CDH7: variants seen among roughly 807,000 people sequenced by gnomAD.
The protein encoded by CDH7 is cadherin 7.
In CDH7, 25 loss-of-function variants were observed where a neutral mutation model predicts 71.8. The ratio of observed to expected loss-of-function variants is 0.35; its 90% CI spans 0.25 to 0.49. The LOEUF (loss-of-function observed/expected upper bound fraction) is 0.49. Ranked by LOEUF, CDH7 falls within the 20% of genes least tolerant of loss-of-function variation. CDH7 has a pLI of 0.99. For missense variants in CDH7, 862 were observed against 974.6 expected (o/e 0.88, Z 1.54); for synonymous variants, 381 against 363.8 (o/e 1.05, Z -0.54).
Position 65,857,821 on chromosome 18 carries a change from C to T in CDH7, c.1241C>T (p.Ser414Leu). ...TTTCTTCAATGTTCAATTAGGTACT[C>T]AATTGACAGAAACACAGACTTGGAG... is the stretch of plus-strand genomic sequence containing the variant. ...PDSSNSPVRY[S>L]IDRNTDLERY... Residue 414 changes from serine (S) to leucine (L), a missense_variant, in exon 8 of 12, where the codon TCA becomes TTA. Ser to Leu is a moderately radical substitution (Grantham distance 145). Transcript: ENST00000397968. 6.2e-7 allele frequency: 1 copy of T among 1,612,338 alleles called. No individual in the cohort carries two copies. The highest frequency in any genetic ancestry group is 8.5e-7 in the Non-Finnish European group (1 of 1,178,914).
At chr18:65,819,053 G>T (rs1228278209) in intron 4 of CDH7, among the ~76,000 whole-genome samples, 1 of 152,166 alleles carries the variant, frequency 6.6e-6, no homozygotes. Flanking sequence ...GTAGGAACCA[G>T]CAGATGTCGA....
At chr18:65,842,496 T>C (rs1912770257) in intron 6 of CDH7, among the ~76,000 whole-genome samples, 1 of 151,788 alleles carries the variant, frequency 6.6e-6, no homozygotes. Context: ...TATACATATA[T>C]TTATATATAT....
intron 7 of CDH7, among the ~76,000 whole-genome samples, chr18:65,848,200 T>C: frequency 6.6e-6 from 1 of 152,096 alleles, no homozygotes; most frequent in African/African-American, 2.4e-5. Context: ...GTAAAAGATG[T>C]AAGAACAGCC....
chr18:65,753,610 A>T (rs946340122), intron 1 of CDH7, among the ~76,000 whole-genome samples: 1 of 152,316 alleles, frequency 6.6e-6, no homozygotes, highest in East Asian at 1.9e-4. Flanking sequence ...AAGGAATCAG[A>T]TGCTACTTGG....
intron 2 of CDH7, among the ~76,000 whole-genome samples, chr18:65,796,024 T>A (rs1599012038): frequency 1.3e-5 from 2 of 152,264 alleles, no homozygotes; most frequent in Middle Eastern, 3.4e-3. Flanking sequence ...TGTGAGTCAA[T>A]TAAACCTTTT....
rs567405804 is a variant in CDH7, at chr18:65,770,085, G to A, written c.210+7033G>A. On this transcript the variant is annotated intron_variant, in intron 2 of 11. Coordinates refer to ENST00000397968, the MANE Select transcript of CDH7 (RefSeq NM_004361.5). ...CAGTACAATCTGTTGTCCATGTTTA[G>A]AATCAGGAGTGTGAGCCAGATTTAA... Among the ~76,000 whole-genome samples the A allele has an allele frequency of 3.3e-5, 5 of 152,304 alleles. 1 individual carries two copies. The highest frequency in any genetic ancestry group is 9.6e-5 in the African/African-American group (4 of 41,570).
intron 2 of CDH7, among the ~76,000 whole-genome samples, chr18:65,791,018 CA>C (rs1011819930): frequency 3.3e-5 from 5 of 152,144 alleles, no homozygotes; most frequent in African/African-American, 1.2e-4. Flanking sequence ...TCGTTACTTA[CA>C]AAAAGGGCTT....
chr18:65,825,386 A>C (rs755217964), intron 6 of CDH7, among the ~76,000 whole-genome samples: 2 of 151,882 alleles, frequency 1.3e-5, no homozygotes, highest in Admixed American at 6.6e-5. Context: ...AGTGTGAAAG[A>C]GACAGAAAGT....
At chr18:65,863,053 TTTGAGACGGGGTC>T in intron 11 of CDH7, 136 bp downstream of exon 11, 1 of 1,006,224 alleles carries the variant, frequency 9.9e-7, no homozygotes, top group African/African-American at 1.6e-5. Context: ...TTTGTTTTTC[TTTGAGACGGGGTC>T]TCACTCTGTT....
chr18:65,820,611 G>T (rs1045202889), intron 4 of CDH7, among the ~76,000 whole-genome samples: 1 of 152,046 alleles, frequency 6.6e-6, no homozygotes, highest in African/African-American at 2.4e-5. Flanking sequence ...TCAAAAATAC[G>T]TTCAATAGTT....
At position 65,885,196 on chromosome 18, in the gene CDH7, T is replaced by G. The variant is rs893085572; in HGVS notation, c.*4302T>G. On this transcript the variant is annotated 3_prime_UTR_variant, in exon 12 of 12. Coordinates refer to ENST00000397968, the MANE Select transcript of CDH7 (RefSeq NM_004361.5). ...TATTTCAGAAGAGTGGGATAAGCCCTTAAGAAAAATGGGAGATGTTTAAGG... is the reference window on the plus strand; with the variant it reads ...TATTTCAGAAGAGTGGGATAAGCCCGTAAGAAAAATGGGAGATGTTTAAGG... The G allele has an allele frequency of 1.3e-5, 2 of 151,884 alleles. No individual in the cohort carries two copies. The highest frequency in any genetic ancestry group is 1.5e-5 in the Non-Finnish European group (1 of 67,956). 9.4% of individuals were successfully genotyped at this position (151,884 alleles called of 1,614,324 possible).
At chr18:65,761,550 A>T (rs1916192926) in intron 1 of CDH7, among the ~76,000 whole-genome samples, 1 of 151,716 alleles carries the variant, frequency 6.6e-6, no homozygotes, top group Non-Finnish European at 1.5e-5. Flanking sequence ...AAAAAAAAAA[A>T]ACAGAAATAG....
intron 11 of CDH7, among the ~76,000 whole-genome samples, chr18:65,875,782 G>C (rs1914056709): frequency 6.6e-6 from 1 of 152,032 alleles, no homozygotes. Flanking sequence ...ACAAAAAATA[G>C]CCATGTGTGG....
Position 65,811,983 on chromosome 18 carries a change from T to TTTTG in CDH7, c.505+1987_505+1988insTGTT. On this transcript the variant is annotated intron_variant, in intron 3 of 11. Coordinates refer to ENST00000397968, the MANE Select transcript of CDH7 (RefSeq NM_004361.5). ...TTTCTTTTCTTTTTTTTTTTTTTTT[T>TTTTG]TTGCGAGATGGAGTCTCACTCTGTT... Among the ~76,000 whole-genome samples, 2 of 144,914 alleles carry TTTTG rather than the reference T, an allele frequency of 1.4e-5. 1 individual carries two copies. Among genetic ancestry groups the TTTTG allele is most frequent in the African/African-American group, 5.1e-5 (2 of 39,068 alleles).
At chr18:65,799,568 C>T (rs1416996497) in intron 2 of CDH7, among the ~76,000 whole-genome samples, 1 of 151,786 alleles carries the variant, frequency 6.6e-6, no homozygotes, top group Non-Finnish European at 1.5e-5. Context: ...CCCAGCTACT[C>T]GGGAGGCTGA....
intron 4 of CDH7, 95 bp downstream of exon 4, chr18:65,814,699 C>G: frequency 8.7e-6 from 9 of 1,036,124 alleles, no homozygotes; most frequent in African/African-American, 3.3e-5. Context: ...TAATAACATA[C>G]CATTTTATTA....
chr18:65,807,404 A>G (rs953352460), intron 2 of CDH7, among the ~76,000 whole-genome samples: 28 of 152,306 alleles, frequency 1.8e-4, no homozygotes, highest in Admixed American at 1.6e-3. Context: ...GTTGGTGGGA[A>G]TTAGGTAAAT....
chr18:65,762,383 T>C (rs554862484), intron 1 of CDH7, among the ~76,000 whole-genome samples: 1 of 152,284 alleles, frequency 6.6e-6, no homozygotes, highest in East Asian at 1.9e-4. Context: ...TAAAATGCCC[T>C]AGAAGAAAAG....
chr18:65,830,667 C>CTTCCTTTCCTTTCCT lies in CDH7; in HGVS notation c.981+5840_981+5854dup, dbSNP rs10681635. ...TTCTTTCCTGTCTTTCTCTCTCTCT[C>CTTCCTTTCCTTTCCT]TTCCTTTCCTTTCCTTTCTTTTCCT... On this transcript the variant is annotated intron_variant, in intron 6 of 11. Transcript: ENST00000397968. 1.3e-3 allele frequency among the ~76,000 whole-genome samples: 170 copies of CTTCCTTTCCTTTCCT among 135,096 alleles called. 2 individuals are homozygous for CTTCCTTTCCTTTCCT. The highest frequency in any genetic ancestry group is 4.0e-3 in the Middle Eastern group (1 of 252). 88.6% of individuals were successfully genotyped at this position (135,096 alleles called of 152,430 possible).
Sources: allele counts gnomAD v4.1 joint callset (sites outside exome capture counted in the v4.1 genomes callset), GRCh38; gene constraint gnomAD v4.1.1; transcripts MANE v1.5; gene names NCBI Gene and HGNC (gene_info 2026-07-23, HGNC 2026-07-21).